The following CTNNA1 variants were observed in gnomAD, a reference collection of about 807,000 sequenced individuals.
CTNNA1 encodes the protein catenin alpha 1, also known as catenin alpha-1.
A neutral mutation model predicts 98.4 loss-of-function variants in CTNNA1; 37 were observed. That is an observed-to-expected ratio of 0.38 (90% confidence interval 0.29 to 0.49). The LOEUF is 0.49. Ranked by LOEUF, CTNNA1 falls within the 20% of genes least tolerant of loss-of-function variation. CTNNA1 has a pLI of 0.95. For missense variants in CTNNA1, 761 were observed against 1,147.2 expected, an observed-to-expected ratio of 0.66 and a Z score of 4.86; for synonymous variants, 404 against 413.2, an observed-to-expected ratio of 0.98 and a Z score of 0.27.
At chr5:138,832,255 G>A (rs1308678799) in intron 7 of CTNNA1, among the ~76,000 whole-genome samples, 1 of 152,076 alleles carries the variant, frequency 6.6e-6, no homozygotes, top group Non-Finnish European at 1.5e-5. Context: ...CTTACTATAC[G>A]GACTCTAAGG....
At chr5:138,835,225 G>C (rs1217776782) in intron 7 of CTNNA1, among the ~76,000 whole-genome samples, 1 of 152,172 alleles carries the variant, frequency 6.6e-6, no homozygotes, top group East Asian at 1.9e-4. Context: ...GCAGGTGACA[G>C]GGGATATGAT....
intron 7 of CTNNA1, among the ~76,000 whole-genome samples, chr5:138,835,616 T>C (rs1401487387): frequency 6.6e-6 from 1 of 152,168 alleles, no homozygotes; most frequent in African/African-American, 2.4e-5. Context: ...CAGCGGCATT[T>C]ATTTTTATTT....
intron 10 of CTNNA1, among the ~76,000 whole-genome samples, chr5:138,911,162 A>G (rs1298644370): frequency 6.6e-6 from 1 of 152,158 alleles, no homozygotes; most frequent in Non-Finnish European, 1.5e-5. Flanking sequence ...GCTTGAATCC[A>G]GAGGTCGAGG....
intron 5 of CTNNA1, 87 bp downstream of exon 5, chr5:138,812,389 C>T (rs1173149528): frequency 8.5e-6 from 12 of 1,407,398 alleles, no homozygotes; most frequent in Admixed American, 4.5e-5. Flanking sequence ...CTGAAAGTAC[C>T]ATTACTTACC....
chr5:138,783,060 A>C (rs888733322), intron 2 of CTNNA1, 117 bp from the exon 3 acceptor site: 4 of 725,870 alleles, frequency 5.5e-6, no homozygotes, highest in African/African-American at 3.5e-5. Flanking sequence ...TTGTATGTTA[A>C]TGTTCAGTGG....
At chr5:138,850,603 T>C (rs1351873918) in intron 7 of CTNNA1, among the ~76,000 whole-genome samples, 3 of 152,228 alleles carry the variant, frequency 2.0e-5, no homozygotes, top group Non-Finnish European at 4.4e-5. Flanking sequence ...CTTCATTAAT[T>C]TATTTTTCAC....
intron 3 of CTNNA1, among the ~76,000 whole-genome samples, chr5:138,799,510 A>G (rs1757321676): frequency 1.3e-5 from 2 of 152,146 alleles, no homozygotes; most frequent in Admixed American, 1.3e-4. Context: ...ATGGAGGAAA[A>G]AAAAGTTGTT....
At chr5:138,888,741 A>G (rs1754685421) in intron 9 of CTNNA1, among the ~76,000 whole-genome samples, 1 of 151,048 alleles carries the variant, frequency 6.6e-6, no homozygotes, top group Non-Finnish European at 1.5e-5. Flanking sequence ...TTTTTTTAGT[A>G]GAGACGGGGC....
intron 11 of CTNNA1, among the ~76,000 whole-genome samples, 190 bp downstream of exon 11, chr5:138,918,088 C>A (rs942954209): frequency 6.6e-6 from 1 of 152,168 alleles, no homozygotes; most frequent in Non-Finnish European, 1.5e-5. Context: ...TTCTCAGCTA[C>A]TAGGAAGTAG....
At chr5:138,828,256 A>G (rs1760922742) in intron 7 of CTNNA1, 1 of 156,578 alleles carries the variant, frequency 6.4e-6, no homozygotes, top group Non-Finnish European at 1.4e-5. Flanking sequence ...ACCATATTGA[A>G]TGTCACAAGA....
chr5:138,931,212 C>T (rs1318307680), intron 16 of CTNNA1: 7 of 417,998 alleles, frequency 1.7e-5, no homozygotes, highest in Non-Finnish European at 3.1e-5. Flanking sequence ...CCGAGAGCAG[C>T]CAGAAGCCAT....
chr5:138,852,871 G>GCGCACACACACACACACGCGCGCGCGCA (rs869240008), intron 7 of CTNNA1, among the ~76,000 whole-genome samples: 1 of 151,240 alleles, frequency 6.6e-6, no homozygotes, highest in Non-Finnish European at 1.5e-5. Flanking sequence ...GCGCGCGCGC[G>GCGCACACACACACACACGCGCGCGCGCA]CACACACACA....
At chr5:138,831,171 A>G (rs563477879) in intron 7 of CTNNA1, among the ~76,000 whole-genome samples, 3 of 152,266 alleles carry the variant, frequency 2.0e-5, no homozygotes, top group South Asian at 2.1e-4. Context: ...ACACATTCGT[A>G]AAGTGTCTTC....
intron 7 of CTNNA1, among the ~76,000 whole-genome samples, chr5:138,868,534 G>A (rs191140705): frequency 6.2e-4 from 94 of 152,220 alleles, no homozygotes; most frequent in African/African-American, 2.1e-3. Flanking sequence ...ACAGGCAATT[G>A]GTACCTTTCC....
intron 7 of CTNNA1, chr5:138,871,160 C>G (rs1207682829): frequency 6.6e-6 from 1 of 151,990 alleles, no homozygotes; most frequent in Non-Finnish European, 1.5e-5. Flanking sequence ...TCAGTTTGAT[C>G]CTGGGAAGAA....
At chr5:138,783,140 A>AT (rs1489756397) in intron 2 of CTNNA1, 37 bp from the exon 3 acceptor site, 1 of 1,490,596 alleles carries the variant, frequency 6.7e-7, no homozygotes, top group Admixed American at 2.1e-5. Context: ...TGTCATTTTA[A>AT]TTGACTCCAG....
chr5:138,892,218 A>G lies in CTNNA1; in HGVS notation c.1296+4576A>G, dbSNP rs1017807377. Among the ~76,000 whole-genome samples the G allele has an allele frequency of 7.2e-5, 11 of 152,008 alleles. No homozygotes were observed. The East Asian group carries it at 7.8e-4, about 11-fold the overall frequency. ...AACCTTGGCAAAGTAAATTTTCTAAATTGACTGAGACCTATCTCAGATATT... is the reference window on the plus strand; with the variant it reads ...AACCTTGGCAAAGTAAATTTTCTAAGTTGACTGAGACCTATCTCAGATATT... On this transcript the variant is annotated intron_variant, in intron 9 of 17. Coordinates refer to ENST00000302763, the MANE Select transcript of CTNNA1 (RefSeq NM_001903.5).
intron 11 of CTNNA1, 120 bp downstream of exon 11, chr5:138,918,018 G>A: frequency 9.4e-7 from 1 of 1,065,950 alleles, no homozygotes; most frequent in African/African-American, 1.6e-5. Flanking sequence ...CAATAATATT[G>A]TGCTGGTTTT....
At chr5:138,926,117 TG>T (rs1036682373) in intron 13 of CTNNA1, among the ~76,000 whole-genome samples, 52 of 152,346 alleles carry the variant, frequency 3.4e-4, no homozygotes, top group African/African-American at 1.1e-3. Flanking sequence ...TGTCACTGCC[TG>T]CCATTGTCTT....
Sources: gnomAD v4.1 joint callset for allele counts (sites outside exome capture counted in the v4.1 genomes callset) on GRCh38, gnomAD v4.1.1 for gene constraint, MANE v1.5 for transcripts, NCBI Gene and HGNC (gene_info 2026-07-23, HGNC 2026-07-21) for gene names.